Variants in GPC5 observed in about 807,000 individuals in gnomAD.
GPC5 encodes glypican-5.
Under a neutral mutation model 53.9 loss-of-function variants are expected in GPC5, and 47 were observed. That is an observed-to-expected ratio of 0.87 (90% CI 0.69 to 1.11). The LOEUF (loss-of-function observed/expected upper bound fraction) is 1.11. Among genes scored for constraint, GPC5 ranks in the 50% most tolerant of loss-of-function variants. The pLI, the probability that GPC5 is intolerant of heterozygous loss-of-function variation, is 0.00. For synonymous variants in GPC5, 286 were observed against 263.3 expected (o/e 1.09, Z -0.84); for missense variants, 748 against 713.1 (o/e 1.05, Z -0.56).
intron 7 of GPC5, among the ~76,000 whole-genome samples, chr13:92,217,867 A>G (rs930756764): frequency 6.7e-6 from 1 of 149,478 alleles, no homozygotes; most frequent in African/African-American, 2.5e-5. Flanking sequence ...CATACAATAA[A>G]TATTTTATAC....
intron 2 of GPC5, among the ~76,000 whole-genome samples, chr13:91,591,588 G>T (rs1420924999): frequency 6.6e-6 from 1 of 151,984 alleles, no homozygotes; most frequent in East Asian, 1.9e-4. Flanking sequence ...CATAGATTTG[G>T]TCTCTTTTTA....
intron 7 of GPC5, among the ~76,000 whole-genome samples, chr13:92,334,804 A>G (rs2043311257): frequency 6.6e-6 from 1 of 152,124 alleles, no homozygotes; most frequent in Non-Finnish European, 1.5e-5. Context: ...TAAAGTTCCA[A>G]AATGACCTCA....
intron 1 of GPC5, among the ~76,000 whole-genome samples, chr13:91,401,606 C>G (rs967341450): frequency 6.6e-6 from 1 of 152,154 alleles, no homozygotes; most frequent in African/African-American, 2.4e-5. Flanking sequence ...TTACTGCTTT[C>G]TTGCATTTCT....
chr13:91,816,335 G>A (rs2038399841), intron 5 of GPC5, among the ~76,000 whole-genome samples: 1 of 152,122 alleles, frequency 6.6e-6, no homozygotes, highest in South Asian at 2.1e-4. Flanking sequence ...GCAATTGGAG[G>A]ATTCTCGGTT....
chr13:91,899,769 C>A (rs1221989473), intron 5 of GPC5, among the ~76,000 whole-genome samples: 1 of 152,070 alleles, frequency 6.6e-6, no homozygotes, highest in Admixed American at 6.6e-5. Flanking sequence ...GTTATGCAGT[C>A]GCAAATCAAA....
intron 7 of GPC5, among the ~76,000 whole-genome samples, chr13:92,339,490 T>C (rs1394981685): frequency 6.6e-6 from 1 of 152,092 alleles, no homozygotes; most frequent in African/African-American, 2.4e-5. Context: ...AATCATGCTT[T>C]ATAACGTTAA....
At chr13:92,473,857 T>A (rs1878999602) in intron 7 of GPC5, among the ~76,000 whole-genome samples, 1 of 152,118 alleles carries the variant, frequency 6.6e-6, no homozygotes, top group Admixed American at 6.6e-5. Flanking sequence ...CATGAGATAT[T>A]TTGCCTTAGT....
rs186872772 is a variant in GPC5 at position 91,481,889 on chromosome 13, A to G, written c.325+32967A>G. Among the ~76,000 whole-genome samples the G allele has an allele frequency of 1.1e-3, 168 of 152,222 alleles. 1 individual carries two copies. The highest frequency in any genetic ancestry group is 8.7e-3 in the Admixed American group (133 of 15,294). On this transcript the variant is annotated intron_variant, in intron 2 of 7. Transcript: ENST00000377067. The stretch of plus-strand genomic sequence containing the variant: ...TCAGGGCTTGTCATAAGCTTCATAT[A>G]TCATCCAGGAATGAGTGGCAGAACC...
chr13:91,988,593 T>A (rs1164286091), intron 6 of GPC5, among the ~76,000 whole-genome samples: 3 of 152,196 alleles, frequency 2.0e-5, no homozygotes, highest in Admixed American at 6.5e-5. Context: ...TCTGATATCA[T>A]GATGCTAAGA....
intron 2 of GPC5, 84 bp from the exon 3 acceptor site, chr13:91,693,103 T>C (rs747000282): frequency 1.0e-6 from 1 of 966,524 alleles, no homozygotes; most frequent in Non-Finnish European, 1.6e-6. Flanking sequence ...TTAGTTTTGA[T>C]GAGTCATTTA....
chr13:92,237,338 A>G lies in GPC5; in HGVS notation c.1561+92349A>G, dbSNP rs369513944. Among the ~76,000 whole-genome samples, 43 of 151,710 alleles carry G rather than the reference A, an allele frequency of 2.8e-4. 1 individual carries two copies. In the South Asian group the frequency reaches 9.0e-3, roughly 32 times the overall value. On this transcript the variant is annotated intron_variant, in intron 7 of 7. Transcript: ENST00000377067. ...AAGTTCAAGTGATCCTCTTGCCTCA[A>G]CCTCCTGAGTAGCTGGGACTACAGG...
intron 2 of GPC5, among the ~76,000 whole-genome samples, chr13:91,668,182 C>T (rs1018638725): frequency 6.6e-6 from 1 of 152,094 alleles, no homozygotes; most frequent in African/African-American, 2.4e-5. Context: ...CAGATTCTGC[C>T]ACCTTTGAAT....
chr13:92,512,547 T>C (rs1880612532), intron 7 of GPC5, among the ~76,000 whole-genome samples: 1 of 152,224 alleles, frequency 6.6e-6, no homozygotes, highest in African/African-American at 2.4e-5. Flanking sequence ...CAGAAAGTTA[T>C]CAACATAATG....
intron 7 of GPC5, among the ~76,000 whole-genome samples, chr13:92,164,591 A>T (rs1353009226): frequency 6.6e-6 from 1 of 152,068 alleles, no homozygotes; most frequent in Non-Finnish European, 1.5e-5. Flanking sequence ...CTGCTTTCAC[A>T]GGCTGGTGTT....
rs1886491396 is a variant in GPC5 at position 92,664,185 on chromosome 13, T to A, written c.1562-202097T>A. Among the ~76,000 whole-genome samples the A allele has an allele frequency of 2.6e-5, 4 of 152,048 alleles. No individual in the cohort carries two copies. The South Asian group carries it at 8.3e-4, about 32-fold the overall frequency. ...TGCATGTGAAAGTTGTATGTAAGGC[T>A]AGTCTGGAGAATGAATCATCAGAAA... On this transcript the variant is annotated intron_variant, in intron 7 of 7. Transcript: ENST00000377067.
intron 6 of GPC5, among the ~76,000 whole-genome samples, chr13:91,987,846 T>C (rs2040422648): frequency 6.9e-6 from 1 of 145,510 alleles, no homozygotes. Flanking sequence ...ATATACTATA[T>C]ATAATTATAT....
At chr13:92,445,721 G>A (rs1476468668) in intron 7 of GPC5, among the ~76,000 whole-genome samples, 1 of 151,778 alleles carries the variant, frequency 6.6e-6, no homozygotes, top group Non-Finnish European at 1.5e-5. Context: ...ATCATTGTTG[G>A]ACGTTTGGGT....
chr13:92,521,295 AC>A (rs1349599476), intron 7 of GPC5, among the ~76,000 whole-genome samples: 2 of 152,046 alleles, frequency 1.3e-5, no homozygotes, highest in Admixed American at 6.6e-5. Flanking sequence ...TCATATGGAA[AC>A]AAAAAAGAGC....
At chr13:91,757,148 C>T (rs1328295337) in intron 5 of GPC5, among the ~76,000 whole-genome samples, 1 of 151,950 alleles carries the variant, frequency 6.6e-6, no homozygotes, top group Non-Finnish European at 1.5e-5. Flanking sequence ...TAAATTCTCC[C>T]TCTGTGGTCA....
Sources: allele counts gnomAD v4.1 joint callset (sites outside exome capture counted in the v4.1 genomes callset), GRCh38; gene constraint gnomAD v4.1.1; transcripts MANE v1.5; gene names NCBI Gene and HGNC (gene_info 2026-07-23, HGNC 2026-07-21).